CA8: variants seen among roughly 807,000 people sequenced by gnomAD.
The protein encoded by CA8 is carbonic anhydrase-related protein.
In CA8, 22 loss-of-function variants were observed where a neutral mutation model predicts 41.4. The observed-to-expected ratio is 0.53, with a 90% CI of 0.38 to 0.76. CA8 has a LOEUF of 0.76. Among genes scored for constraint, CA8 ranks in the 30% least tolerant of loss-of-function variants. CA8 has a pLI of 0.00. For synonymous variants in CA8, 121 were observed against 130.6 expected, an observed-to-expected ratio of 0.93 and a Z score of 0.50; for missense variants, 270 against 352.8, an observed-to-expected ratio of 0.77 and a Z score of 1.88.
At chr8:60,222,177 C>T (rs562124538) in intron 7 of CA8, among the ~76,000 whole-genome samples, 42 of 152,270 alleles carry the variant, frequency 2.8e-4, no homozygotes, top group African/African-American at 8.9e-4. Flanking sequence ...CGGGGGTGGG[C>T]GACCAAAAGT....
chr8:60,222,167 CG>C (rs1020828874), intron 7 of CA8, among the ~76,000 whole-genome samples: 2 of 152,128 alleles, frequency 1.3e-5, no homozygotes, highest in Non-Finnish European at 2.9e-5. Context: ...AGCCCAAGGC[CG>C]GGGGTGGGCG....
At chr8:60,217,156 T>A (rs994948634) in intron 7 of CA8, among the ~76,000 whole-genome samples, 1 of 152,174 alleles carries the variant, frequency 6.6e-6, no homozygotes. Flanking sequence ...AGTGCTTGGA[T>A]TACAGGCGTG....
At chr8:60,207,982 T>A (rs1806695107) in intron 8 of CA8, 1 of 152,330 alleles carries the variant, frequency 6.6e-6, no homozygotes, top group African/African-American at 2.4e-5. Context: ...TTCCAACAGA[T>A]GCCTTCCCCT....
At chr8:60,212,193 A>C (rs75606087) in intron 7 of CA8, among the ~76,000 whole-genome samples, 3,626 of 152,288 alleles carry the variant, frequency 0.024, 63 homozygotes, top group South Asian at 0.06. Context: ...ATTTATTCCA[A>C]TCTTCACTGC....
chr8:60,250,432 A>T (rs533777290), intron 3 of CA8, among the ~76,000 whole-genome samples: 1 of 152,328 alleles, frequency 6.6e-6, no homozygotes, highest in African/African-American at 2.4e-5. Flanking sequence ...ATCTTAGAGG[A>T]ACCAAAAGCT....
At chr8:60,240,523 T>G (rs1211539550) in intron 3 of CA8, among the ~76,000 whole-genome samples, 4 of 152,230 alleles carry the variant, frequency 2.6e-5, no homozygotes. Context: ...AGGCTGCTGT[T>G]AAGTTTTGAT....
At chr8:60,268,045 C>T (rs1044317326) in intron 2 of CA8, among the ~76,000 whole-genome samples, 4 of 152,110 alleles carry the variant, frequency 2.6e-5, no homozygotes, top group African/African-American at 9.7e-5. Context: ...TGTACCCCAC[C>T]TCCCAAACCA....
intron 8 of CA8, among the ~76,000 whole-genome samples, chr8:60,196,824 C>A (rs527846987): frequency 1.3e-5 from 2 of 152,150 alleles, no homozygotes; most frequent in African/African-American, 4.8e-5. Context: ...GCAGAAGATA[C>A]TAGTAAAGAG....
intron 7 of CA8, 147 bp downstream of exon 7, chr8:60,222,502 C>G (rs1377530683): frequency 1.5e-6 from 1 of 686,206 alleles, no homozygotes. Flanking sequence ...CTTTCAATCA[C>G]TTTCACTAGT....
intron 3 of CA8, among the ~76,000 whole-genome samples, chr8:60,253,999 C>T (rs1808537115): frequency 6.6e-6 from 1 of 152,188 alleles, no homozygotes; most frequent in Non-Finnish European, 1.5e-5. Context: ...CACGGTCATA[C>T]CCTCAGCACC....
At chr8:60,190,842 C>G (rs1299299512) in intron 8 of CA8, among the ~76,000 whole-genome samples, 3 of 149,806 alleles carry the variant, frequency 2.0e-5, no homozygotes, top group African/African-American at 7.4e-5. Flanking sequence ...AACAAAATAG[C>G]CTCCTTTCCT....
At chr8:60,267,139 T>C (rs1034869485) in intron 2 of CA8, among the ~76,000 whole-genome samples, 1 of 152,234 alleles carries the variant, frequency 6.6e-6, no homozygotes, top group African/African-American at 2.4e-5. Context: ...ACTTGTTTGG[T>C]TGGTTCTTCA....
At position 60,188,283 on chromosome 8, in the gene CA8, G is replaced by C. The variant is rs943603707; in HGVS notation, c.*1738C>G. The C allele has an allele frequency of 1.1e-4, 17 of 152,118 alleles. No individual in the cohort carries two copies. Among genetic ancestry groups the C allele is most frequent in the Admixed American group, 1.1e-3 (17 of 15,272 alleles). The allele number at this position is 152,118 out of a possible 1,614,324, so 9.4% of individuals were successfully genotyped here. A position where few individuals can be genotyped will look rare whatever the true frequency, so the allele number is the denominator to read the frequency against. On this transcript the variant is annotated 3_prime_UTR_variant, in exon 9 of 9. Transcript: ENST00000317995. ...GTATTTGTTTATTTTGTGTATTTCA[G>C]GGAAAGATGAAAGAAGATTGCAAGA...
chr8:60,249,392 G>C (rs1203625419), intron 3 of CA8, among the ~76,000 whole-genome samples: 3 of 152,070 alleles, frequency 2.0e-5, no homozygotes, highest in Non-Finnish European at 2.9e-5. Flanking sequence ...GTCTTCCATT[G>C]TTTACCTAAA....
Position 60,281,231 on chromosome 8 carries a change from C to T in CA8, c.-84G>A. Reference sequence around the variant, plus strand: ...GCGGGGCTGGAGCCGGAGCGGAGCGCGCGTGGGGGAGTGTGAGCACGCGTG... The same window carrying T: ...GCGGGGCTGGAGCCGGAGCGGAGCGTGCGTGGGGGAGTGTGAGCACGCGTG... On this transcript the variant is annotated 5_prime_UTR_variant, in exon 1 of 9. Transcript: ENST00000317995. 1.0e-6 allele frequency: 1 copy of T among 970,286 alleles called. No individual in the cohort carries two copies. Among genetic ancestry groups the T allele is most frequent in the Non-Finnish European group, 1.6e-6 (1 of 632,366 alleles). 60.1% of individuals were successfully genotyped at this position (970,286 alleles called of 1,614,324 possible). A position where few individuals can be genotyped will look rare whatever the true frequency, so the allele number is the denominator to read the frequency against.
At chr8:60,217,441 C>G (rs1807060226) in intron 7 of CA8, among the ~76,000 whole-genome samples, 1 of 152,166 alleles carries the variant, frequency 6.6e-6, no homozygotes, top group Non-Finnish European at 1.5e-5. Flanking sequence ...TCACATGAGT[C>G]TCCTGACTTT....
Position 60,208,829 on chromosome 8 carries a change from T to G in CA8, c.829A>C (p.Thr277Pro). ...ATGACTCTGTCACTAAGAGGCTGAG[T>G]GGGCCGAAAGTTGTCTCCCAAAATC... ...DGILGDNFRP[T>P]QPLSDRVIRA... Residue 277 changes from threonine (T) to proline (P), a missense_variant, in exon 8 of 9, where the codon ACT (threonine) becomes CCT (proline). Coordinates refer to ENST00000317995, the MANE Select transcript of CA8 (RefSeq NM_004056.6). 1 of 1,614,136 alleles carries G rather than the reference T, an allele frequency of 6.2e-7. No individual in the cohort carries two copies. Among genetic ancestry groups the G allele is most frequent in the Non-Finnish European group, 8.5e-7 (1 of 1,180,014 alleles).
At chr8:60,257,519 T>C (rs961673854) in intron 3 of CA8, among the ~76,000 whole-genome samples, 102 of 152,316 alleles carry the variant, frequency 6.7e-4, no homozygotes, top group African/African-American at 2.2e-3. Context: ...TAGGTTTTTT[T>C]CAACTTTGGG....
chr8:60,214,537 T>C (rs1012183300), intron 7 of CA8, among the ~76,000 whole-genome samples: 1 of 152,206 alleles, frequency 6.6e-6, no homozygotes, highest in Non-Finnish European at 1.5e-5. Context: ...AACATAACCA[T>C]GCTGTGGCCC....
Sources: gnomAD v4.1 joint callset for allele counts (sites outside exome capture counted in the v4.1 genomes callset) on GRCh38, gnomAD v4.1.1 for gene constraint, MANE v1.5 for transcripts, NCBI Gene and HGNC (gene_info 2026-07-23, HGNC 2026-07-21) for gene names.